WDPCP: variants seen among roughly 807,000 people sequenced by gnomAD.
The protein encoded by WDPCP is WD repeat-containing and planar cell polarity effector protein fritz homolog.
In WDPCP, 71 loss-of-function variants were observed where a neutral mutation model predicts 93.1. The ratio of observed to expected loss-of-function variants is 0.76; its 90% CI spans 0.63 to 0.93. The LOEUF (loss-of-function observed/expected upper bound fraction) is 0.93, where lower values mean the gene tolerates loss of function less well. Ranked by LOEUF, WDPCP falls within the 40% of genes least tolerant of loss-of-function variation. The pLI is 0.00. For synonymous variants in WDPCP, 315 were observed against 315.0 expected, an observed-to-expected ratio of 1.00 and a Z score of 0.00; for missense variants, 844 against 887.4, an observed-to-expected ratio of 0.95 and a Z score of 0.62.
chr2:63,642,505 T>C (rs1709993074), intron 3 of WDPCP: 1 of 151,502 alleles, frequency 6.6e-6, no homozygotes, highest in African/African-American at 2.4e-5. Context: ...GAATTTTCAT[T>C]ATAGAGATCT....
At chr2:63,766,725 G>A (rs1011568467) in intron 2 of WDPCP, among the ~76,000 whole-genome samples, 2 of 151,902 alleles carry the variant, frequency 1.3e-5, no homozygotes, top group Non-Finnish European at 2.9e-5. Context: ...ACTCTCAAAA[G>A]ACTCTTCTTA....
chr2:63,622,774 C>A (rs1479321162), intron 3 of WDPCP: 13 of 1,612,386 alleles, frequency 8.1e-6, no homozygotes, highest in Non-Finnish European at 1.1e-5. Flanking sequence ...CAGAAGGCGG[C>A]GAACACTTGG....
intron 1 of WDPCP, among the ~76,000 whole-genome samples, chr2:63,823,577 G>T (rs1274826663): frequency 6.6e-6 from 1 of 152,092 alleles, no homozygotes; most frequent in African/African-American, 2.4e-5. Context: ...GTGAATACTA[G>T]AATCACTAGA....
chr2:63,623,006 G>A (rs997348788), intron 3 of WDPCP, among the ~76,000 whole-genome samples: 5 of 152,320 alleles, frequency 3.3e-5, no homozygotes, highest in African/African-American at 1.2e-4. Flanking sequence ...TTGTCCGACC[G>A]CGCGCCACTT....
chr2:63,323,833 G>A (rs1472958560), intron 12 of WDPCP, among the ~76,000 whole-genome samples: 1 of 152,138 alleles, frequency 6.6e-6, no homozygotes, highest in Non-Finnish European at 1.5e-5. Flanking sequence ...GGTCTGGGAG[G>A]AAAACTAGTA....
intron 6 of WDPCP, among the ~76,000 whole-genome samples, chr2:63,448,410 G>C (rs2105608439): frequency 6.7e-6 from 1 of 149,466 alleles, no homozygotes; most frequent in African/African-American, 2.5e-5. Flanking sequence ...TTACAACCAT[G>C]CTACCTGAGT....
At chr2:63,267,212 A>C (rs1346421214) in intron 13 of WDPCP, among the ~76,000 whole-genome samples, 2 of 152,254 alleles carry the variant, frequency 1.3e-5, no homozygotes, top group African/African-American at 4.8e-5. Flanking sequence ...AAAGCAGCCA[A>C]GAACATGCAA....
At chr2:63,663,950 AC>A (rs1470312316) in intron 2 of WDPCP, among the ~76,000 whole-genome samples, 1 of 152,084 alleles carries the variant, frequency 6.6e-6, no homozygotes, top group Non-Finnish European at 1.5e-5. Flanking sequence ...CAACCACCGC[AC>A]CTTTAACCCA....
chr2:63,723,197 T>C (rs1669451486), intron 2 of WDPCP, among the ~76,000 whole-genome samples: 2 of 151,234 alleles, frequency 1.3e-5, no homozygotes, highest in Non-Finnish European at 1.5e-5. Context: ...CTTTGTTCAC[T>C]TGTTTATCTG....
intron 6 of WDPCP, among the ~76,000 whole-genome samples, chr2:63,472,817 CCCA>C (rs1427326417): frequency 1.3e-5 from 2 of 152,226 alleles, no homozygotes; most frequent in East Asian, 3.8e-4. Context: ...ACCTTGGCCC[CCCA>C]AAGTGCTAGG....
chr2:63,163,017 A>G (rs1049578804), intron 15 of WDPCP, among the ~76,000 whole-genome samples: 6 of 152,188 alleles, frequency 3.9e-5, no homozygotes, highest in Non-Finnish European at 8.8e-5. Flanking sequence ...GCAGTTCCAT[A>G]AAAGAGCTGT....
chr2:63,586,144 G>A (rs1366827728), intron 1 of WDPCP, among the ~76,000 whole-genome samples: 1 of 152,096 alleles, frequency 6.6e-6, no homozygotes, highest in African/African-American at 2.4e-5. Flanking sequence ...TTAAATAATT[G>A]TATACTATAA....
At chr2:63,234,090 T>C (rs1679165031) in intron 14 of WDPCP, among the ~76,000 whole-genome samples, 2 of 152,182 alleles carry the variant, frequency 1.3e-5, no homozygotes, top group Non-Finnish European at 2.9e-5. Context: ...TGAGATAATG[T>C]ATGAACAGTG....
chr2:63,133,895 G>A lies in WDPCP; in HGVS notation c.2191-11839C>T, dbSNP rs576247101. Reference sequence around the variant, plus strand: ...AATGCCATGACATGTCCTACTGTTCGGGATGTAGCTTGTTCTTGATTGTTT... The same window carrying A: ...AATGCCATGACATGTCCTACTGTTCAGGATGTAGCTTGTTCTTGATTGTTT... On this transcript the variant is annotated intron_variant, in intron 17 of 17. Transcript: ENST00000272321. 4.6e-5 allele frequency among the ~76,000 whole-genome samples: 7 copies of A among 152,280 alleles called. No homozygotes were observed. In the South Asian group the frequency reaches 1.0e-3, roughly 23 times the overall value.
intron 2 of WDPCP, among the ~76,000 whole-genome samples, chr2:63,743,846 T>C (rs1015881671): frequency 6.6e-6 from 1 of 152,154 alleles, no homozygotes; most frequent in African/African-American, 2.4e-5. Flanking sequence ...TATTCATTGC[T>C]TATCACTCTT....
intron 1 of WDPCP, among the ~76,000 whole-genome samples, chr2:63,568,567 C>T (rs371926975): frequency 9.2e-5 from 14 of 152,180 alleles, no homozygotes; most frequent in East Asian, 3.8e-4. Flanking sequence ...AGTTTTGCCA[C>T]GAGAGTACAC....
intron 1 of WDPCP, among the ~76,000 whole-genome samples, chr2:63,587,091 T>A (rs1708895806): frequency 6.6e-6 from 1 of 152,158 alleles, no homozygotes; most frequent in Non-Finnish European, 1.5e-5. Flanking sequence ...ATGGAAGAAA[T>A]TTTTCGTAAC....
intron 1 of WDPCP, among the ~76,000 whole-genome samples, chr2:63,566,919 A>G (rs993731632): frequency 6.6e-6 from 1 of 152,220 alleles, no homozygotes; most frequent in African/African-American, 2.4e-5. Context: ...ACTTACTGTT[A>G]CCAGTTTATC....
At chr2:63,747,060 C>T (rs1347017362) in intron 2 of WDPCP, among the ~76,000 whole-genome samples, 2 of 152,080 alleles carry the variant, frequency 1.3e-5, no homozygotes, top group Non-Finnish European at 2.9e-5. Flanking sequence ...CTGGCTGACA[C>T]TTAGGGAAAA....
Sources: gnomAD v4.1 joint callset for allele counts (sites outside exome capture counted in the v4.1 genomes callset) on GRCh38, gnomAD v4.1.1 for gene constraint, MANE v1.5 for transcripts, NCBI Gene and HGNC (gene_info 2026-07-23, HGNC 2026-07-21) for gene names.